The following HIVEP1 variants were observed in gnomAD, a reference collection of about 807,000 sequenced individuals.
HIVEP1 encodes zinc finger protein 40.
Under a neutral mutation model 180.0 loss-of-function variants are expected in HIVEP1, and 36 were observed. The observed-to-expected ratio is 0.20, with a 90% CI of 0.15 to 0.26. HIVEP1 has a LOEUF of 0.26. Among genes scored for constraint, HIVEP1 ranks in the 10% least tolerant of loss-of-function variants. The pLI, the probability that HIVEP1 is intolerant of heterozygous loss-of-function variation, is 1.00. For missense variants in HIVEP1, 3,143 were observed against 3,268.7 expected (o/e 0.96, Z 0.94); for synonymous variants, 1,239 against 1,239.0 (o/e 1.00, Z 0.00).
In HIVEP1 at chr6:12,124,645, C is replaced by T. The variant is rs896211189; in HGVS notation, c.4850C>T (p.Pro1617Leu). 1.5e-5 allele frequency: 24 copies of T among 1,613,944 alleles called. No homozygotes were observed. Among genetic ancestry groups the T allele is most frequent in the Middle Eastern group, 1.6e-4 (1 of 6,084 alleles). The change falls in exon 4 of 9, where the codon CCA becomes CTA. Residue 1617 changes from proline (P) to leucine (L), a missense_variant. This residue lies in a region of HIVEP1 where 1,357 missense variants were observed against 1,260.5 expected (regional missense o/e 1.08). Coordinates refer to ENST00000379388, the MANE Select transcript of HIVEP1 (RefSeq NM_002114.4). ...DSMSNSHPLL[P>L]PELRPLGSQV... ...ATGTCTAATTCGCATCCTCTGCTAC[C>T]ACCAGAGCTCAGGCCCCTTGGAAGT...
chr6:12,148,127 A>G (rs1759481162), intron 7 of HIVEP1, among the ~76,000 whole-genome samples: 1 of 152,230 alleles, frequency 6.6e-6, no homozygotes, highest in African/African-American at 2.4e-5. Flanking sequence ...ATACAGTAGG[A>G]GTAGAAGAAG....
chr6:12,029,120 T>G (rs1031909116), intron 2 of HIVEP1, among the ~76,000 whole-genome samples: 4 of 152,260 alleles, frequency 2.6e-5, no homozygotes, highest in African/African-American at 7.2e-5. Flanking sequence ...TTGTATTGTT[T>G]TCAGTGTTTG....
chr6:12,047,077 T>C (rs1053824646), intron 2 of HIVEP1, among the ~76,000 whole-genome samples: 1 of 152,004 alleles, frequency 6.6e-6, no homozygotes, highest in Admixed American at 6.6e-5. Flanking sequence ...GCCAGGCTGG[T>C]CTGGAACTCC....
At chr6:12,032,836 A>G (rs1222106145) in intron 2 of HIVEP1, among the ~76,000 whole-genome samples, 1 of 152,116 alleles carries the variant, frequency 6.6e-6, no homozygotes, top group Non-Finnish European at 1.5e-5. Context: ...TAATTTTGCT[A>G]TTTTATATAC....
intron 3 of HIVEP1, among the ~76,000 whole-genome samples, chr6:12,095,026 A>G (rs559903194): frequency 6.6e-6 from 1 of 152,122 alleles, no homozygotes; most frequent in South Asian, 2.1e-4. Context: ...CATCTTATCT[A>G]AACAGTCACA....
At chr6:12,166,050 AT>A (rs1326491310), downstream of HIVEP1, among the ~76,000 whole-genome samples, 1 of 152,162 alleles carries the variant, frequency 6.6e-6, no homozygotes, top group African/African-American at 2.4e-5. Context: ...ATAAAACTAC[AT>A]TTTTATATTC....
At chr6:12,141,468 G>A (rs981388351) in intron 7 of HIVEP1, among the ~76,000 whole-genome samples, 13 of 151,596 alleles carry the variant, frequency 8.6e-5, no homozygotes, top group East Asian at 1.9e-4. Flanking sequence ...ATCAACTAAC[G>A]GGCAAAATAA....
the HIVEP1 span, among the ~76,000 whole-genome samples, chr6:12,189,262 A>G: frequency 4.6e-5 from 7 of 151,984 alleles, no homozygotes; most frequent in Admixed American, 4.6e-4. Context: ...ATTATTTTTA[A>G]TAATATGAGA....
At position 12,144,124 on chromosome 6, in the gene HIVEP1, C is replaced by A. The variant is rs561180772; in HGVS notation, c.6487+8232C>A. Among the ~76,000 whole-genome samples the A allele has an allele frequency of 6.0e-4, 91 of 152,330 alleles. 1 individual carries two copies. Among genetic ancestry groups the A allele is most frequent in the Non-Finnish European group, 9.3e-4 (63 of 68,034 alleles). ...CTGGAGGCATCATGCTATCTGACTT[C>A]AAACTATACGACAAGGCTACAGTAA... On this transcript the variant is annotated intron_variant, in intron 7 of 8. Transcript: ENST00000379388.
At chr6:12,185,541 A>G in the HIVEP1 span, among the ~76,000 whole-genome samples, 1 of 152,174 alleles carries the variant, frequency 6.6e-6, no homozygotes, top group African/African-American at 2.4e-5. Context: ...TTCACGTAAT[A>G]CCTCAGGCAT....
At chr6:12,023,481 C>G (rs1407803203) in intron 2 of HIVEP1, among the ~76,000 whole-genome samples, 3 of 151,878 alleles carry the variant, frequency 2.0e-5, no homozygotes, top group Admixed American at 2.0e-4. Flanking sequence ...ATTTCAAAAA[C>G]AAAAACAAAA....
chr6:12,188,907 A>G, the HIVEP1 span, among the ~76,000 whole-genome samples: 1 of 152,064 alleles, frequency 6.6e-6, no homozygotes, highest in Admixed American at 6.6e-5. Context: ...CTGAAGAAAG[A>G]TTAATAAACT....
At chr6:12,138,769 A>G (rs952173418) in intron 7 of HIVEP1, among the ~76,000 whole-genome samples, 1 of 151,964 alleles carries the variant, frequency 6.6e-6, no homozygotes, top group East Asian at 1.9e-4. Flanking sequence ...TCTAATTAGC[A>G]TCTCAGGTCT....
intron 2 of HIVEP1, among the ~76,000 whole-genome samples, chr6:12,040,973 A>T (rs906950410): frequency 6.6e-6 from 1 of 152,220 alleles, no homozygotes; most frequent in East Asian, 1.9e-4. Flanking sequence ...GTGTGTCCCC[A>T]TGATCCAGCC....
chr6:12,051,763 G>A (rs572751729), intron 2 of HIVEP1, among the ~76,000 whole-genome samples: 5 of 151,870 alleles, frequency 3.3e-5, no homozygotes, highest in African/African-American at 1.2e-4. Context: ...ATTTGTTTTT[G>A]TTTCTTTTTA....
At chr6:12,140,376 A>G (rs1023693802) in intron 7 of HIVEP1, among the ~76,000 whole-genome samples, 1 of 152,246 alleles carries the variant, frequency 6.6e-6, no homozygotes, top group African/African-American at 2.4e-5. Flanking sequence ...CACCAACATC[A>G]AAGACCAAAG....
chr6:12,103,415 C>G (rs903341073), intron 3 of HIVEP1, among the ~76,000 whole-genome samples: 1 of 152,064 alleles, frequency 6.6e-6, no homozygotes, highest in African/African-American at 2.4e-5. Flanking sequence ...ACCCTGGCTT[C>G]CCTGTCTTCA....
intron 2 of HIVEP1, among the ~76,000 whole-genome samples, chr6:12,058,427 G>A (rs1771011089): frequency 6.6e-6 from 1 of 152,178 alleles, no homozygotes; most frequent in Admixed American, 6.5e-5. Flanking sequence ...TTTTGAAGTT[G>A]ACTCTTAAAA....
the HIVEP1 span, among the ~76,000 whole-genome samples, chr6:12,203,904 C>A: frequency 2.0e-5 from 3 of 152,152 alleles, 1 homozygote; most frequent in South Asian, 6.2e-4. Flanking sequence ...TGGAGAAACC[C>A]CGTCTCTACT....
Sources: gnomAD v4.1 joint callset for allele counts (sites outside exome capture counted in the v4.1 genomes callset) on GRCh38, gnomAD v4.1.1 for gene constraint, gnomAD v4.1.1 regional missense constraint, MANE v1.5 for transcripts, NCBI Gene and HGNC (gene_info 2026-07-23, HGNC 2026-07-21) for gene names.